Variants in SYNE2 observed in about 807,000 individuals in gnomAD.
The protein encoded by SYNE2 is nesprin-2.
A neutral mutation model predicts 856.3 loss-of-function variants in SYNE2; 431 were observed. The observed-to-expected ratio is 0.50, with a 90% CI of 0.47 to 0.55. SYNE2 has a LOEUF of 0.55. Ranked by LOEUF, SYNE2 falls within the 20% of genes least tolerant of loss-of-function variation. The pLI is 0.00. For synonymous variants in SYNE2, 2,923 were observed against 2,872.3 expected, an observed-to-expected ratio of 1.02 and a Z score of -0.56; for missense variants, 8,129 against 8,023.2, an observed-to-expected ratio of 1.01 and a Z score of -0.50.
intron 65 of SYNE2, among the ~76,000 whole-genome samples, chr14:64,110,657 G>A (rs2097799289): frequency 7.4e-6 from 1 of 135,222 alleles, no homozygotes; most frequent in Non-Finnish European, 1.5e-5. Context: ...TTTAGAATTT[G>A]GGGCTATCAT....
intron 97 of SYNE2, among the ~76,000 whole-genome samples, chr14:64,187,197 A>G (rs968918662): frequency 1.3e-5 from 2 of 152,234 alleles, no homozygotes; most frequent in African/African-American, 4.8e-5. Flanking sequence ...AAGGGGTTCA[A>G]ATAGTCTTAA....
Position 64,080,616 on chromosome 14 carries a change from G to A in SYNE2, c.11324G>A (p.Cys3775Tyr), listed in dbSNP as rs137977109. The A allele has an allele frequency of 2.5e-6, 4 of 1,614,186 alleles. No homozygotes were observed. The highest frequency in any genetic ancestry group is 3.4e-6 in the Non-Finnish European group (4 of 1,180,030). ...CAGCAAGTATCACAGAGAGCAGAGT[G>A]TAGAACCTCACAGTTGAATAAGGTA... is the stretch of plus-strand genomic sequence containing the variant. ...QYQQVSQRAE[C>Y]RTSQLNKATV... Residue 3775 changes from cysteine to tyrosine, a missense_variant, in exon 56 of 116, where the codon TGT becomes TAT. Transcript: ENST00000555002.
At chr14:63,788,746 G>A (rs1161976384) in intron 1 of SYNE2, among the ~76,000 whole-genome samples, 1 of 152,216 alleles carries the variant, frequency 6.6e-6, no homozygotes, top group Non-Finnish European at 1.5e-5. Flanking sequence ...TTAACATAAT[G>A]TTCGTACACT....
chr14:64,057,175 T>C (rs1169070732), intron 49 of SYNE2, among the ~76,000 whole-genome samples: 1 of 152,156 alleles, frequency 6.6e-6, no homozygotes. Context: ...GTTAAATTAT[T>C]ATTGAACGTA....
Position 64,052,129 on chromosome 14 carries a change from C to G in SYNE2, c.8216C>G (p.Thr2739Ser). The G allele has an allele frequency of 6.2e-7, 1 of 1,614,150 alleles. No individual in the cohort carries two copies. Among genetic ancestry groups the G allele is most frequent in the African/African-American group, 1.3e-5 (1 of 75,054 alleles). The change falls in exon 48 of 116, where the codon ACT becomes AGT. Residue 2739 changes from threonine (T) to serine (S), a missense_variant. By Grantham distance (58) the Thr-to-Ser change is moderately conservative. Transcript: ENST00000555002. ...GACATAAGGAACAAGATGAAAGAGA[C>G]TATCTTATGGGCCAAGAATTTGTTG... ...KCDIRNKMKE[T>S]ILWAKNLLGE...
intron 99 of SYNE2, among the ~76,000 whole-genome samples, chr14:64,200,871 C>T (rs1317707450): frequency 6.6e-6 from 1 of 152,170 alleles, no homozygotes; most frequent in East Asian, 1.9e-4. Flanking sequence ...AAACCCAGGC[C>T]CTGACCACAG....
At chr14:63,921,646 A>G (rs1566805311) in intron 2 of SYNE2, among the ~76,000 whole-genome samples, 1 of 152,238 alleles carries the variant, frequency 6.6e-6, no homozygotes, top group Non-Finnish European at 1.5e-5. Context: ...AACAATGGAA[A>G]TACGTAAGTG....
intron 66 of SYNE2, among the ~76,000 whole-genome samples, chr14:64,114,958 T>C (rs973672001): frequency 3.3e-5 from 5 of 152,172 alleles, no homozygotes; most frequent in African/African-American, 9.7e-5. Context: ...ACTCAGATAC[T>C]GGCACTGCCG....
rs113851861 is a variant in SYNE2 at position 64,084,855 on chromosome 14, G to A, written c.11485-2816G>A. On this transcript the variant is annotated intron_variant, in intron 57 of 115. Transcript: ENST00000555002. ...AGAATGCGGTCAAGGTGTCGACAAA[G>A]GCTGCAGGCTCATCTGAAGGCTCGA... 0.014 allele frequency: 9,421 copies of A among 668,300 alleles called. 658 individuals are homozygous for A. The African/African-American group carries it at 0.15, about 10-fold the overall frequency. The allele number at this position is 668,300 out of a possible 1,614,324, so 41.4% of individuals were successfully genotyped here.
chr14:63,834,855 G>A (rs1002084352), intron 1 of SYNE2, among the ~76,000 whole-genome samples: 1 of 147,716 alleles, frequency 6.8e-6, no homozygotes, highest in East Asian at 2.1e-4. Context: ...TGGCCAGATG[G>A]TCTCGATCTC....
intron 114 of SYNE2, 32 bp downstream of exon 114, chr14:64,224,579 A>G: frequency 1.2e-6 from 2 of 1,611,944 alleles, no homozygotes; most frequent in Non-Finnish European, 8.5e-7. Flanking sequence ...TGAGAACCTC[A>G]CTGGTTATTT....
chr14:64,149,188 C>T (rs1381236800), intron 84 of SYNE2, among the ~76,000 whole-genome samples: 2 of 151,768 alleles, frequency 1.3e-5, no homozygotes, highest in African/African-American at 2.4e-5. Context: ...ACCTGTAATC[C>T]TAGCTACTCG....
chr14:63,883,216 G>C (rs180909430), intron 1 of SYNE2, among the ~76,000 whole-genome samples: 1 of 152,060 alleles, frequency 6.6e-6, no homozygotes, highest in Non-Finnish European at 1.5e-5. Flanking sequence ...ATGCCACCAC[G>C]CTTGGCTAAT....
intron 18 of SYNE2, among the ~76,000 whole-genome samples, chr14:63,984,223 G>A (rs1045478604): frequency 1.3e-5 from 2 of 152,180 alleles, no homozygotes; most frequent in African/African-American, 2.4e-5. Context: ...CAGCCTGGGT[G>A]ACAGAGTAAG....
At chr14:63,813,880 C>T (rs377430771) in intron 1 of SYNE2, among the ~76,000 whole-genome samples, 10 of 152,214 alleles carry the variant, frequency 6.6e-5, no homozygotes, top group African/African-American at 1.9e-4. Context: ...GGTGAAACCA[C>T]GCCTCTACTA....
At chr14:64,188,973 G>C (rs1431441810) in intron 98 of SYNE2, 1 of 702,584 alleles carries the variant, frequency 1.4e-6, no homozygotes, top group Admixed American at 2.0e-5. Context: ...ACCAGGGAAG[G>C]GGCTTACATA....
intron 76 of SYNE2, among the ~76,000 whole-genome samples, chr14:64,132,009 C>A (rs2098026848): frequency 6.6e-6 from 1 of 152,030 alleles, no homozygotes; most frequent in African/African-American, 2.4e-5. Flanking sequence ...TCTCGGCTCA[C>A]TGCAACCTCC....
chr14:64,052,618 A>T lies in SYNE2; in HGVS notation c.8705A>T (p.Tyr2902Phe). Residue 2902 changes from tyrosine (Y) to phenylalanine (F), a missense_variant, in exon 48 of 116, where the codon TAT becomes TTT. Physicochemically the swap from Tyr to Phe is conservative, Grantham distance 22. This residue lies in a region of SYNE2 where 5,410 missense variants were observed against 5,284.8 expected (regional missense o/e 1.02). Coordinates refer to ENST00000555002, the MANE Select transcript of SYNE2 (RefSeq NM_182914.3). ...STHLQELTNI[Y>F]EELNVFERLF... The stretch of plus-strand genomic sequence containing the variant: ...CATCTTCAGGAGCTAACAAACATCT[A>T]TGAGGAGCTGAATGTGTTTGAAAGA... The T allele has an allele frequency of 3.1e-6, 5 of 1,614,124 alleles. No homozygotes were observed. The highest frequency in any genetic ancestry group is 4.2e-6 in the Non-Finnish European group (5 of 1,180,006).
rs199597838 is a variant in SYNE2, at chr14:63,982,535, AAAG to A, written c.1837-92_1837-90del. 138,744 of 1,014,912 alleles carry A rather than the reference AAAG, an allele frequency of 0.14. 6,128 individuals carry two copies. The highest frequency in any genetic ancestry group is 0.23 in the African/African-American group (12,573 of 54,628). 62.9% of individuals were successfully genotyped at this position (1,014,912 alleles called of 1,614,324 possible). ...ACTCCATCTCAAAAAAAAAAAAAAA[AAAG>A]AAAAGAAAAAAGCCTTGGTGAACAT... On this transcript the variant is annotated intron_variant, in intron 16 of 115. Coordinates refer to ENST00000555002, the MANE Select transcript of SYNE2 (RefSeq NM_182914.3).
Sources: gnomAD v4.1 joint callset for allele counts (sites outside exome capture counted in the v4.1 genomes callset) on GRCh38, gnomAD v4.1.1 for gene constraint, gnomAD v4.1.1 regional missense constraint, MANE v1.5 for transcripts, NCBI Gene and HGNC (gene_info 2026-07-23, HGNC 2026-07-21) for gene names.